The following CTNNA3 variants were observed in gnomAD, a reference collection of about 807,000 sequenced individuals.
CTNNA3 encodes catenin alpha-3.
CTNNA3 carries 76 observed loss-of-function variants against 95.7 expected under a neutral mutation model. The observed-to-expected ratio is 0.79, with a 90% CI of 0.66 to 0.96. The LOEUF (loss-of-function observed/expected upper bound fraction) is 0.96, where lower values mean the gene tolerates loss of function less well. Among genes scored for constraint, CTNNA3 ranks in the 40% least tolerant of loss-of-function variants. CTNNA3 has a pLI of 0.00. For missense variants in CTNNA3, 1,191 were observed against 1,089.8 expected (o/e 1.09, Z -1.31); for synonymous variants, 431 against 374.4 (o/e 1.15, Z -1.74).
chr10:66,375,566 A>G (rs2092790165), intron 12 of CTNNA3, among the ~76,000 whole-genome samples: 1 of 149,250 alleles, frequency 6.7e-6, no homozygotes, highest in Admixed American at 6.8e-5. Flanking sequence ...AATATTTAAG[A>G]TTGTAGGACA....
At chr10:67,025,127 G>A (rs1853276422) in intron 7 of CTNNA3, among the ~76,000 whole-genome samples, 1 of 42,554 alleles carries the variant, frequency 2.3e-5, no homozygotes, top group South Asian at 1.6e-3. Context: ...GCAAAACTCT[G>A]TCAAAAACAA....
intron 13 of CTNNA3, among the ~76,000 whole-genome samples, chr10:66,187,466 C>T (rs764554145): frequency 2.0e-5 from 3 of 150,290 alleles, no homozygotes; most frequent in Non-Finnish European, 4.4e-5. Flanking sequence ...CTAGAGAAGG[C>T]CCTATGCTGT....
At position 66,445,243 on chromosome 10, in the gene CTNNA3, G is replaced by A. The variant is rs528445007; in HGVS notation, c.1532-65891C>T. 3.3e-4 allele frequency among the ~76,000 whole-genome samples: 50 copies of A among 152,058 alleles called. 1 individual carries two copies. The highest frequency in any genetic ancestry group is 2.9e-3 in the East Asian group (15 of 5,168). On this transcript the variant is annotated intron_variant, in intron 11 of 17. Coordinates refer to ENST00000433211, the MANE Select transcript of CTNNA3 (RefSeq NM_013266.4). Reference sequence around the variant, plus strand: ...TAATGGGAGACATTAACACCCCACTGTCAACATTAGACAGATTAACGAGAC... The same window carrying A: ...TAATGGGAGACATTAACACCCCACTATCAACATTAGACAGATTAACGAGAC...
intron 1 of CTNNA3, among the ~76,000 whole-genome samples, chr10:67,686,854 G>A (rs913416513): frequency 6.6e-6 from 1 of 152,090 alleles, no homozygotes; most frequent in Non-Finnish European, 1.5e-5. Context: ...TGGACCTTGA[G>A]TTTGTTCCTT....
chr10:65,964,243 G>A (rs545510253), intron 17 of CTNNA3, among the ~76,000 whole-genome samples: 97 of 152,316 alleles, frequency 6.4e-4, no homozygotes, highest in African/African-American at 8.7e-4. Flanking sequence ...TTTGGCACAC[G>A]TAAATGTAAT....
chr10:66,427,054 G>C (rs542269160), intron 11 of CTNNA3, among the ~76,000 whole-genome samples: 1 of 151,534 alleles, frequency 6.6e-6, no homozygotes, highest in Non-Finnish European at 1.5e-5. Context: ...TTCTCTCAAA[G>C]GCCCTTTTGT....
chr10:66,540,037 C>G (rs536241331), intron 10 of CTNNA3, among the ~76,000 whole-genome samples: 3 of 152,138 alleles, frequency 2.0e-5, no homozygotes, highest in African/African-American at 7.2e-5. Context: ...AGCTGACCTT[C>G]TTTTGTTTGT....
intron 5 of CTNNA3, among the ~76,000 whole-genome samples, chr10:67,258,376 T>G (rs1343217798): frequency 2.0e-5 from 3 of 152,252 alleles, no homozygotes; most frequent in African/African-American, 7.2e-5. Context: ...ATTCCTGACC[T>G]CAGGTAATCC....
chr10:66,094,127 C>A (rs1420913699), intron 14 of CTNNA3, among the ~76,000 whole-genome samples: 1 of 152,044 alleles, frequency 6.6e-6, no homozygotes, highest in Non-Finnish European at 1.5e-5. Context: ...CTGGGCTAAT[C>A]TGGAATCCTA....
Position 66,461,812 on chromosome 10 carries a change from CA to C in CTNNA3, c.1531+58804del, listed in dbSNP as rs1342370997. 6.9e-3 allele frequency among the ~76,000 whole-genome samples: 951 copies of C among 137,196 alleles called. 5 individuals carry two copies. Among genetic ancestry groups the C allele is most frequent in the African/African-American group, 0.024 (904 of 37,606 alleles). The allele number at this position is 137,196 out of a possible 152,430, so 90.0% of individuals were successfully genotyped here. A position where few individuals can be genotyped will look rare whatever the true frequency, so the allele number is the denominator to read the frequency against. On this transcript the variant is annotated intron_variant, in intron 11 of 17. Transcript: ENST00000433211. ...CTGAAGTAATATCCTTGTATATCTCCAATTTTTTTTTTTTTTTTGAGATGGA... is the reference window on the plus strand; with the variant it reads ...CTGAAGTAATATCCTTGTATATCTCCATTTTTTTTTTTTTTTTGAGATGGA...
chr10:66,231,696 CT>C (rs1350572217), intron 13 of CTNNA3, among the ~76,000 whole-genome samples: 1 of 152,132 alleles, frequency 6.6e-6, no homozygotes, highest in Non-Finnish European at 1.5e-5. Context: ...AATAAAGTTA[CT>C]TTATTTTATC....
At chr10:67,405,032 C>T (rs1287757577) in intron 5 of CTNNA3, among the ~76,000 whole-genome samples, 2 of 152,162 alleles carry the variant, frequency 1.3e-5, no homozygotes, top group South Asian at 4.1e-4. Context: ...TACCACCAGA[C>T]CTGCTTTATA....
chr10:66,731,645 T>C (rs1044871623), intron 9 of CTNNA3, among the ~76,000 whole-genome samples: 3 of 152,202 alleles, frequency 2.0e-5, no homozygotes, highest in African/African-American at 4.8e-5. Flanking sequence ...TAACATAGCT[T>C]TCTGAAGCAG....
chr10:67,034,587 A>G (rs1853928586), intron 7 of CTNNA3, among the ~76,000 whole-genome samples: 1 of 152,154 alleles, frequency 6.6e-6, no homozygotes, highest in Non-Finnish European at 1.5e-5. Flanking sequence ...CAATGCCATC[A>G]TCCAAATTCA....
chr10:67,056,140 A>T (rs1855414925), intron 7 of CTNNA3, among the ~76,000 whole-genome samples: 1 of 152,180 alleles, frequency 6.6e-6, no homozygotes, highest in African/African-American at 2.4e-5. Flanking sequence ...TACAGCCTGA[A>T]ATACATACTG....
intron 3 of CTNNA3, among the ~76,000 whole-genome samples, chr10:67,603,109 C>T (rs906111209): frequency 1.3e-5 from 2 of 152,032 alleles, no homozygotes; most frequent in Non-Finnish European, 2.9e-5. Flanking sequence ...GTGTCATGAA[C>T]GAGAGGTGCT....
At chr10:67,152,031 C>T (rs1244259955) in intron 7 of CTNNA3, among the ~76,000 whole-genome samples, 1 of 152,142 alleles carries the variant, frequency 6.6e-6, no homozygotes, top group East Asian at 1.9e-4. Flanking sequence ...AATTTAGCTC[C>T]ATATTGTAAG....
chr10:67,496,023 T>G (rs1183401193), intron 5 of CTNNA3, among the ~76,000 whole-genome samples: 1 of 152,248 alleles, frequency 6.6e-6, no homozygotes, highest in Non-Finnish European at 1.5e-5. Flanking sequence ...CCTGTTATTA[T>G]GTGAATAATC....
At chr10:67,757,196 T>C (rs972254967) in intron 1 of CTNNA3, among the ~76,000 whole-genome samples, 2 of 152,234 alleles carry the variant, frequency 1.3e-5, no homozygotes, top group Non-Finnish European at 2.9e-5. Flanking sequence ...TATTGCTGTA[T>C]GACAAACTAT....
Sources: gnomAD v4.1 joint callset for allele counts (sites outside exome capture counted in the v4.1 genomes callset) on GRCh38, gnomAD v4.1.1 for gene constraint, MANE v1.5 for transcripts, NCBI Gene and HGNC (gene_info 2026-07-23, HGNC 2026-07-21) for gene names.